Variants in TRIM21 observed in about 807,000 individuals in gnomAD.
TRIM21 encodes the protein E3 ubiquitin-protein ligase TRIM21.
TRIM21 carries 35 observed loss-of-function variants against 36.1 expected under a neutral mutation model. The observed-to-expected ratio is 0.97, with a 90% CI of 0.74 to 1.28. The LOEUF (loss-of-function observed/expected upper bound fraction) is 1.28, where lower values mean the gene tolerates loss of function less well. Among genes scored for constraint, TRIM21 ranks in the 50% most tolerant of loss-of-function variants. The pLI, the probability that TRIM21 is intolerant of heterozygous loss-of-function variation, is 0.00. For synonymous variants in TRIM21, 256 were observed against 211.5 expected, an observed-to-expected ratio of 1.21 and a Z score of -1.83; for missense variants, 635 against 570.7, an observed-to-expected ratio of 1.11 and a Z score of -1.15.
chr11:4,389,734 C>G lies in TRIM21; in HGVS notation c.424G>C (p.Ala142Pro). The G allele has an allele frequency of 6.2e-7, 1 of 1,613,954 alleles. No homozygotes were observed. Among genetic ancestry groups the G allele is most frequent in the Non-Finnish European group, 8.5e-7 (1 of 1,179,860 alleles). Residue 142 changes from alanine to proline, a missense_variant, in exon 3 of 7, where the codon GCA becomes CCA. By Grantham distance (27) the Ala-to-Pro change is conservative. Coordinates refer to ENST00000254436, the MANE Select transcript of TRIM21 (RefSeq NM_003141.4). Reference sequence around the variant, plus strand: ...TGCTTTCTTCTCAGTTCCCCTAATGCCACCTGGAGCTTCTCCTGCAGAGAA... The same window carrying G: ...TGCTTTCTTCTCAGTTCCCCTAATGGCACCTGGAGCTTCTCCTGCAGAGAA... Reference protein sequence around the residue: ...AQEYQEKLQVALGELRRKQEL... With the variant: ...AQEYQEKLQVPLGELRRKQEL...
intron 1 of TRIM21, among the ~76,000 whole-genome samples, chr11:4,392,183 C>G (rs1392174814): frequency 6.6e-6 from 1 of 151,128 alleles, no homozygotes; most frequent in African/African-American, 2.4e-5. Context: ...TTCCATATAC[C>G]CATAAATATA....
At chr11:4,389,911 T>A in intron 2 of TRIM21, 91 bp downstream of exon 2, 1 of 1,545,090 alleles carries the variant, frequency 6.5e-7, no homozygotes, top group Non-Finnish European at 8.8e-7. Flanking sequence ...GGTAAACCCC[T>A]CCTTTCTCTA....
At chr11:4,386,310 A>G in intron 5 of TRIM21, 53 bp from the exon 6 acceptor site, 1 of 1,417,186 alleles carries the variant, frequency 7.1e-7, no homozygotes, top group Non-Finnish European at 9.9e-7. Context: ...CCCAAACCCT[A>G]ACACTATAAC....
intron 3 of TRIM21, 144 bp from the exon 4 acceptor site, chr11:4,388,674 C>T (rs535321770): frequency 8.4e-5 from 63 of 752,980 alleles, no homozygotes; most frequent in Middle Eastern, 3.2e-4. Flanking sequence ...CACGCACACG[C>T]GCGCACACAC....
intron 3 of TRIM21, among the ~76,000 whole-genome samples, chr11:4,389,128 C>T (rs186621188): frequency 1.3e-5 from 2 of 152,270 alleles, no homozygotes; most frequent in East Asian, 3.9e-4. Flanking sequence ...CTTCTTCTCC[C>T]CTCTCATCCC....
At chr11:4,392,493 G>T (rs1024898786) in intron 1 of TRIM21, among the ~76,000 whole-genome samples, 1 of 151,864 alleles carries the variant, frequency 6.6e-6, no homozygotes, top group Non-Finnish European at 1.5e-5. Context: ...CTTGAACCTG[G>T]GAGGCAGAGG....
At chr11:4,390,492 G>A in intron 1 of TRIM21, 34 bp from the exon 2 acceptor site, 1 of 1,410,780 alleles carries the variant, frequency 7.1e-7, no homozygotes, top group Non-Finnish European at 9.6e-7. Flanking sequence ...AAGAGAATAT[G>A]AGAAAGTCTG....
chr11:4,392,667 A>G (rs1402661959), intron 1 of TRIM21, among the ~76,000 whole-genome samples: 1 of 152,258 alleles, frequency 6.6e-6, no homozygotes, highest in Non-Finnish European at 1.5e-5. Context: ...TTGTTGAATA[A>G]GTTTATTCCT....
Position 4,385,428 on chromosome 11 carries a change from G to C in TRIM21, c.1285C>G (p.Leu429Val). The change falls in exon 7 of 7, where the codon CTC becomes GTC. Residue 429 changes from leucine (L) to valine (V), a missense_variant. Physicochemically the swap from Leu to Val is conservative, Grantham distance 32. Coordinates refer to ENST00000254436, the MANE Select transcript of TRIM21 (RefSeq NM_003141.4). Reference sequence around the variant, plus strand: ...GCACATTCAGAGAAGGAGTAGATGAGGGAGCCATGGTCAGTGATGTTGTAG... The same window carrying C: ...GCACATTCAGAGAAGGAGTAGATGACGGAGCCATGGTCAGTGATGTTGTAG... ...SFYNITDHGS[L>V]IYSFSECAFT... 1 of 1,613,638 alleles carries C rather than the reference G, an allele frequency of 6.2e-7. No individual in the cohort carries two copies.
chr11:4,386,399 G>C (rs1564809596), intron 5 of TRIM21, 142 bp from the exon 6 acceptor site: 8 of 746,540 alleles, frequency 1.1e-5, no homozygotes, highest in Non-Finnish European at 1.6e-5. Flanking sequence ...CCAGGAGTGG[G>C]TGTGAGAGGC....
At chr11:4,391,691 A>G (rs1476408992) in intron 1 of TRIM21, among the ~76,000 whole-genome samples, 2 of 152,234 alleles carry the variant, frequency 1.3e-5, no homozygotes, top group African/African-American at 4.8e-5. Context: ...CCATCAACAG[A>G]TATATGGATA....
intron 6 of TRIM21, 143 bp downstream of exon 6, chr11:4,386,014 C>T (rs2269329): frequency 0.16 from 173,154 of 1,066,828 alleles, 14,802 homozygotes; most frequent in South Asian, 0.24. Flanking sequence ...GTCCTGACCT[C>T]TGAAGAAACC....
At chr11:4,386,536 A>G (rs2094956499) in intron 5 of TRIM21, among the ~76,000 whole-genome samples, 1 of 152,198 alleles carries the variant, frequency 6.6e-6, no homozygotes, top group Non-Finnish European at 1.5e-5. Context: ...TTCATTTTAT[A>G]GGCAAGCAAT....
chr11:4,385,302 C>T lies in TRIM21; in HGVS notation c.1411G>A (p.Gly471Arg), dbSNP rs549756195. The T allele has an allele frequency of 1.1e-4, 170 of 1,611,906 alleles. No individual in the cohort carries two copies. Among genetic ancestry groups the T allele is most frequent in the Admixed American group, 4.0e-4 (24 of 59,958 alleles). ...TLCPLNIGSQ[G>R]STDY is the part of the protein sequence containing the mutation. Reference sequence around the variant, plus strand: ...GAAAGCCATCAATAGTCAGTGGATCCTTGTGATCCAATATTCAGTGGACAG... The same window carrying T: ...GAAAGCCATCAATAGTCAGTGGATCTTTGTGATCCAATATTCAGTGGACAG... The change falls in exon 7 of 7, where the codon GGA (glycine) becomes AGA (arginine). Residue 471 changes from glycine (G) to arginine (R), a missense_variant. Physicochemically the swap from Gly to Arg is moderately radical, Grantham distance 125. Coordinates refer to ENST00000254436, the MANE Select transcript of TRIM21 (RefSeq NM_003141.4).
intron 1 of TRIM21, among the ~76,000 whole-genome samples, chr11:4,391,954 G>A (rs150067844): frequency 6.1e-4 from 93 of 152,242 alleles, no homozygotes; most frequent in African/African-American, 2.2e-3. Context: ...GGGTCTGTGT[G>A]TGGGGGAGAA....
chr11:4,387,358 A>G (rs2094957386), intron 4 of TRIM21, among the ~76,000 whole-genome samples: 1 of 151,992 alleles, frequency 6.6e-6, no homozygotes, highest in Non-Finnish European at 1.5e-5. Context: ...GGCCGAGTTC[A>G]GGTGTCCAGA....
chr11:4,386,733 C>T (rs2094956675), intron 5 of TRIM21, among the ~76,000 whole-genome samples: 1 of 152,116 alleles, frequency 6.6e-6, no homozygotes, highest in South Asian at 2.1e-4. Context: ...CCCTGTTTGG[C>T]AGGACTTTAC....
At chr11:4,391,050 C>A (rs1014514145) in intron 1 of TRIM21, among the ~76,000 whole-genome samples, 3 of 152,202 alleles carry the variant, frequency 2.0e-5, no homozygotes, top group Non-Finnish European at 4.4e-5. Context: ...CAAGCACAGG[C>A]AGCCAAAGCA....
At chr11:4,388,118 C>T (rs899275455) in intron 4 of TRIM21, among the ~76,000 whole-genome samples, 182 bp downstream of exon 4, 7 of 152,170 alleles carry the variant, frequency 4.6e-5, no homozygotes, top group Admixed American at 2.0e-4. Context: ...TTAAAAAGGT[C>T]CTGTACTTAT....
Sources: allele counts gnomAD v4.1 joint callset (sites outside exome capture counted in the v4.1 genomes callset), GRCh38; gene constraint gnomAD v4.1.1; transcripts MANE v1.5; gene names NCBI Gene and HGNC (gene_info 2026-07-23, HGNC 2026-07-21).